The following DCLK2 variants were observed in gnomAD, a reference collection of about 807,000 sequenced individuals.
DCLK2 encodes the protein serine/threonine-protein kinase DCLK2.
In DCLK2, 31 loss-of-function variants were observed where a neutral mutation model predicts 78.4. The ratio of observed to expected loss-of-function variants is 0.40; its 90% CI spans 0.30 to 0.53. The LOEUF is 0.53. Among genes scored for constraint, DCLK2 ranks in the 20% least tolerant of loss-of-function variants. The probability of loss-of-function intolerance (pLI) is 0.61; values close to 1 mark genes in which losing one functional copy is unlikely to be tolerated. For missense variants in DCLK2, 872 were observed against 973.7 expected, an observed-to-expected ratio of 0.90 and a Z score of 1.39; for synonymous variants, 407 against 374.9, an observed-to-expected ratio of 1.09 and a Z score of -0.99.
At chr4:150,211,516 T>G (rs1026385953) in intron 5 of DCLK2, among the ~76,000 whole-genome samples, 1 of 152,106 alleles carries the variant, frequency 6.6e-6, no homozygotes, top group African/African-American at 2.4e-5. Flanking sequence ...CACACCAGCC[T>G]TCTCTCCATT....
At chr4:150,125,253 A>G (rs1732840068) in intron 2 of DCLK2, among the ~76,000 whole-genome samples, 1 of 152,214 alleles carries the variant, frequency 6.6e-6, no homozygotes, top group African/African-American at 2.4e-5. Flanking sequence ...ATCTCTGGAC[A>G]TTTTTTTATT....
chr4:150,183,516 A>G (rs930702705), intron 2 of DCLK2, among the ~76,000 whole-genome samples: 3 of 152,176 alleles, frequency 2.0e-5, no homozygotes, highest in Non-Finnish European at 4.4e-5. Context: ...AGTATTTGCT[A>G]TATCTTTTAT....
chr4:150,107,826 C>T (rs952436638), intron 2 of DCLK2, among the ~76,000 whole-genome samples: 2 of 152,052 alleles, frequency 1.3e-5, no homozygotes, highest in Admixed American at 6.6e-5. Context: ...GTAAGGTTAG[C>T]TGGGCATGGT....
intron 2 of DCLK2, among the ~76,000 whole-genome samples, chr4:150,165,848 A>G (rs949698731): frequency 6.6e-6 from 1 of 152,244 alleles, no homozygotes; most frequent in Non-Finnish European, 1.5e-5. Flanking sequence ...TGATTGGATA[A>G]TGAGGGCAGA....
rs545633598 is a variant in DCLK2 at position 150,156,483 on chromosome 4, AAAAT to A, written c.757-36617_757-36614del. Among the ~76,000 whole-genome samples, 1,342 of 143,164 alleles carry A rather than the reference AAAAT, an allele frequency of 9.4e-3. 17 individuals are homozygous for A. The highest frequency in any genetic ancestry group is 0.057 in the East Asian group (265 of 4,682). The allele number at this position is 143,164 out of a possible 152,430, so 93.9% of individuals were successfully genotyped here. A position where few individuals can be genotyped will look rare whatever the true frequency, so the allele number is the denominator to read the frequency against. On this transcript the variant is annotated intron_variant, in intron 2 of 15. Coordinates refer to ENST00000296550, the MANE Select transcript of DCLK2 (RefSeq NM_001040260.4). ...GCAACATAGTGAGGCCGTCTCTACC[AAAAT>A]AAATAAATAAATAAATAAATAAATA...
chr4:150,135,454 T>C (rs1008530003), intron 2 of DCLK2, among the ~76,000 whole-genome samples: 33 of 152,340 alleles, frequency 2.2e-4, no homozygotes, highest in African/African-American at 7.7e-4. Flanking sequence ...TACTCAAATC[T>C]GTTTAAAGCT....
In DCLK2 at chr4:150,079,225, C is replaced by T. The variant is rs1363145223; in HGVS notation, c.198C>T (p.Ser66=). 6.2e-7 allele frequency: 1 copy of T among 1,611,118 alleles called. No individual in the cohort carries two copies. The highest frequency in any genetic ancestry group is 1.1e-5 in the South Asian group (1 of 90,524). Residue 66 remains serine (S), a synonymous_variant, in exon 1 of 16, where the codon AGC becomes AGT. Coordinates refer to ENST00000296550, the MANE Select transcript of DCLK2 (RefSeq NM_001040260.4). ...FYRTRTLQAL[S]SEKKAKKARF... is the part of the protein sequence containing the mutation. The stretch of plus-strand genomic sequence containing the variant: ...GCACGCGGACCCTGCAGGCCCTCAG[C>T]TCGGAGAAGAAGGCCAAGAAGGCGC...
At chr4:150,086,302 C>T (rs1156234464) in intron 1 of DCLK2, among the ~76,000 whole-genome samples, 1 of 152,006 alleles carries the variant, frequency 6.6e-6, no homozygotes, top group African/African-American at 2.4e-5. Flanking sequence ...GACAGTTAGC[C>T]AGATTTACAG....
At chr4:150,152,250 A>C (rs1408746725) in intron 2 of DCLK2, among the ~76,000 whole-genome samples, 1 of 152,150 alleles carries the variant, frequency 6.6e-6, no homozygotes, top group Non-Finnish European at 1.5e-5. Flanking sequence ...CATAATTTGA[A>C]AGCACTTATG....
At position 150,191,847 on chromosome 4, in the gene DCLK2, TTCTAACTC is replaced by T. The variant is rs1285359702; in HGVS notation, c.757-1289_757-1282del. On this transcript the variant is annotated intron_variant, in intron 2 of 15. Coordinates refer to ENST00000296550, the MANE Select transcript of DCLK2 (RefSeq NM_001040260.4). Reference sequence around the variant, plus strand: ...ACTTTCTTCTCTCTGGAGCATTGTTTTCTAACTCTGTAGTGAGACCTCTTTTTTTCCCC... The same window carrying T: ...ACTTTCTTCTCTCTGGAGCATTGTTTTGTAGTGAGACCTCTTTTTTTCCCC... Among the ~76,000 whole-genome samples, 4 of 152,328 alleles carry T rather than the reference TTCTAACTC, an allele frequency of 2.6e-5. 1 individual carries two copies. Among genetic ancestry groups the T allele is most frequent in the Middle Eastern group, 6.8e-3 (2 of 294 alleles).
At chr4:150,183,413 TAA>T (rs1737675462) in intron 2 of DCLK2, among the ~76,000 whole-genome samples, 1 of 152,202 alleles carries the variant, frequency 6.6e-6, no homozygotes, top group African/African-American at 2.4e-5. Flanking sequence ...GAAATAATAA[TAA>T]AAGAGATTTA....
intron 1 of DCLK2, among the ~76,000 whole-genome samples, chr4:150,095,387 CAT>C (rs1730386616): frequency 1.3e-5 from 2 of 152,224 alleles, no homozygotes; most frequent in South Asian, 4.1e-4. Flanking sequence ...TCATAGCACA[CAT>C]ATTCTTTTGT....
At chr4:150,106,372 G>A (rs1048890792) in intron 2 of DCLK2, among the ~76,000 whole-genome samples, 2 of 151,918 alleles carry the variant, frequency 1.3e-5, no homozygotes, top group Non-Finnish European at 2.9e-5. Flanking sequence ...CTTGATCTTG[G>A]CCAAAAGGCC....
chr4:150,252,325 T>A (rs1300348659), intron 15 of DCLK2, among the ~76,000 whole-genome samples: 9 of 152,192 alleles, frequency 5.9e-5, no homozygotes. Flanking sequence ...GAAAAAACCT[T>A]AAGAAGAGAG....
chr4:150,114,403 G>A (rs1731921467), intron 2 of DCLK2, among the ~76,000 whole-genome samples: 1 of 152,000 alleles, frequency 6.6e-6, no homozygotes. Flanking sequence ...CTAGTAGTAA[G>A]GTACTGTTGT....
At chr4:150,141,890 T>C (rs1429102671) in intron 2 of DCLK2, among the ~76,000 whole-genome samples, 2 of 152,210 alleles carry the variant, frequency 1.3e-5, no homozygotes, top group Non-Finnish European at 2.9e-5. Flanking sequence ...AATATGGTAA[T>C]TGTGCTAAAC....
Position 150,256,450 on chromosome 4 carries a change from A to G in DCLK2, c.*203A>G. On this transcript the variant is annotated 3_prime_UTR_variant, in exon 16 of 16. Coordinates refer to ENST00000296550, the MANE Select transcript of DCLK2 (RefSeq NM_001040260.4). ...CTGGGCTCTGCCTTCTGGTTCCTGG[A>G]GGCATCAAAGGCTGCATCCGTTCTG... 1 of 605,694 alleles carries G rather than the reference A, an allele frequency of 1.7e-6. No individual in the cohort carries two copies. The highest frequency in any genetic ancestry group is 2.7e-6 in the Non-Finnish European group (1 of 366,958). The allele number at this position is 605,694 out of a possible 1,614,324, so 37.5% of individuals were successfully genotyped here.
intron 2 of DCLK2, among the ~76,000 whole-genome samples, chr4:150,172,761 G>T (rs56322905): frequency 0.77 from 81,147 of 105,606 alleles, 28,423 homozygotes; most frequent in South Asian, 0.85. Context: ...TTTTTTTTTT[G>T]GGGGGGGGGG....
rs193288778 is a variant in DCLK2 at position 150,212,179 on chromosome 4, A to C, written c.1056+8290A>C. On this transcript the variant is annotated intron_variant, in intron 5 of 15. Transcript: ENST00000296550. ...GTTGAAAGAAGGAAGAAAAAAGTAC[A>C]TTTGGAACATTATCCAACATCTTGA... Among the ~76,000 whole-genome samples, 7 of 152,308 alleles carry C rather than the reference A, an allele frequency of 4.6e-5. No individual in the cohort carries two copies. In the East Asian group the frequency reaches 1.4e-3, roughly 29 times the overall value.
Sources: allele counts gnomAD v4.1 joint callset (sites outside exome capture counted in the v4.1 genomes callset), GRCh38; gene constraint gnomAD v4.1.1; transcripts MANE v1.5; gene names NCBI Gene and HGNC (gene_info 2026-07-23, HGNC 2026-07-21).